Variants in FSIP1 observed in about 807,000 individuals in gnomAD.
FSIP1 encodes fibrous sheath-interacting protein 1.
Under a neutral mutation model 60.9 loss-of-function variants are expected in FSIP1, and 65 were observed. The observed-to-expected ratio is 1.07, with a 90% confidence interval of 0.87 to 1.31. FSIP1 has a LOEUF of 1.31. Ranked by LOEUF, FSIP1 falls within the 40% of genes most tolerant of loss-of-function variation. FSIP1 has a pLI of 0.00. For missense variants in FSIP1, 675 were observed against 665.5 expected, an observed-to-expected ratio of 1.01 and a Z score of -0.16; for synonymous variants, 209 against 221.2, an observed-to-expected ratio of 0.94 and a Z score of 0.49.
At chr15:39,752,341 A>G (rs1022767054) in intron 5 of FSIP1, among the ~76,000 whole-genome samples, 1 of 151,990 alleles carries the variant, frequency 6.6e-6, no homozygotes, top group Non-Finnish European at 1.5e-5. Flanking sequence ...CCACTCCTTA[A>G]GCAGGGGCTG....
chr15:39,699,533 G>A (rs903375631), intron 10 of FSIP1, among the ~76,000 whole-genome samples: 1 of 152,180 alleles, frequency 6.6e-6, no homozygotes, highest in Non-Finnish European at 1.5e-5. Context: ...CAACCTGCCA[G>A]TAATATCTTT....
At chr15:39,619,287 T>C (rs1891356272) in intron 10 of FSIP1, among the ~76,000 whole-genome samples, 1 of 152,212 alleles carries the variant, frequency 6.6e-6, no homozygotes, top group Non-Finnish European at 1.5e-5. Context: ...TAAAACAATT[T>C]TGTGCCATGT....
chr15:39,608,831 G>A (rs532894488), intron 11 of FSIP1, among the ~76,000 whole-genome samples: 2 of 152,198 alleles, frequency 1.3e-5, no homozygotes, highest in South Asian at 2.1e-4. Context: ...CTCCCTGAAC[G>A]TGAAAAGCTG....
intron 10 of FSIP1, among the ~76,000 whole-genome samples, chr15:39,678,817 T>G (rs998352629): frequency 1.1e-4 from 17 of 152,326 alleles, no homozygotes; most frequent in African/African-American, 4.1e-4. Context: ...TCTGCTTCCC[T>G]GTATAGTCCA....
intron 10 of FSIP1, among the ~76,000 whole-genome samples, chr15:39,708,740 T>C (rs1341504006): frequency 1.3e-5 from 2 of 152,186 alleles, no homozygotes; most frequent in African/African-American, 4.8e-5. Flanking sequence ...TCCATTTTGC[T>C]TACTTCTCTC....
Position 39,659,308 on chromosome 15 carries a change from T to C in FSIP1, c.1189-41063A>G, listed in dbSNP as rs1893194783. On this transcript the variant is annotated intron_variant, in intron 10 of 11. Coordinates refer to ENST00000350221, the MANE Select transcript of FSIP1 (RefSeq NM_152597.5). ...CTGTAATCCCAGCACTTTGGGAGGC[T>C]GAGGCTGGCGGATCAAGAGGTCAGG... 3.9e-5 allele frequency among the ~76,000 whole-genome samples: 6 copies of C among 152,120 alleles called. No homozygotes were observed. The South Asian group carries it at 1.2e-3, about 32-fold the overall frequency.
At chr15:39,598,861 C>A (rs868805198), downstream of FSIP1, 1 of 151,984 alleles carries the variant, frequency 6.6e-6, no homozygotes, top group Non-Finnish European at 1.5e-5. Context: ...GAAAAGCCTC[C>A]AGTATTAAGC....
At chr15:39,681,485 T>G (rs1369433067) in intron 10 of FSIP1, among the ~76,000 whole-genome samples, 1 of 152,206 alleles carries the variant, frequency 6.6e-6, no homozygotes, top group South Asian at 2.1e-4. Context: ...TTATTTTTTA[T>G]GAGAATGCAA....
In FSIP1 at chr15:39,659,776, T is replaced by C. The variant is rs1381756577; in HGVS notation, c.1189-41531A>G. Among the ~76,000 whole-genome samples the C allele has an allele frequency of 2.0e-5, 3 of 152,130 alleles. No individual in the cohort carries two copies. The East Asian group carries it at 5.8e-4, about 29-fold the overall frequency. ...AATAAATATGAGAGATTTGTCAGTG[T>C]GTATATCACTATAACATGTTCATTC... On this transcript the variant is annotated intron_variant, in intron 10 of 11. Transcript: ENST00000350221.
At chr15:39,704,837 A>C (rs1303840010) in intron 10 of FSIP1, among the ~76,000 whole-genome samples, 1 of 152,218 alleles carries the variant, frequency 6.6e-6, no homozygotes, top group Non-Finnish European at 1.5e-5. Flanking sequence ...TCAAAATGAG[A>C]GGATTTATCA....
intron 10 of FSIP1, among the ~76,000 whole-genome samples, chr15:39,665,505 T>C (rs1256369475): frequency 1.3e-5 from 2 of 152,214 alleles, no homozygotes; most frequent in Non-Finnish European, 2.9e-5. Context: ...GGGTACCACT[T>C]AACACTAATT....
At chr15:39,686,349 TG>T (rs1894373713) in intron 10 of FSIP1, among the ~76,000 whole-genome samples, 1 of 152,250 alleles carries the variant, frequency 6.6e-6, no homozygotes, top group African/African-American at 2.4e-5. Flanking sequence ...ATTTAAAAAA[TG>T]AGAAAATACA....
chr15:39,770,361 ATAACATTTGTAATAATCAT>A lies in FSIP1; in HGVS notation c.310+47_310+65del. On this transcript the variant is annotated intron_variant, in intron 3 of 11. Transcript: ENST00000350221. ...CACAGGTAATACTAACACCTTAAAT[ATAACATTTGTAATAATCAT>A]TAACATTTGTAATTATCATTAGCCA... 5 of 1,240,284 alleles carry A rather than the reference ATAACATTTGTAATAATCAT, an allele frequency of 4.0e-6. No individual in the cohort carries two copies. The South Asian group carries it at 5.4e-5, about 14-fold the overall frequency. 76.8% of individuals were successfully genotyped at this position (1,240,284 alleles called of 1,614,324 possible).
intron 8 of FSIP1, among the ~76,000 whole-genome samples, chr15:39,736,763 G>A (rs1167485624): frequency 6.6e-6 from 1 of 152,228 alleles, no homozygotes; most frequent in Admixed American, 6.5e-5. Flanking sequence ...TTTGGGACCA[G>A]GGACATGAGG....
chr15:39,743,602 G>A (rs1172905866), intron 5 of FSIP1, among the ~76,000 whole-genome samples: 1 of 152,194 alleles, frequency 6.6e-6, no homozygotes, highest in Non-Finnish European at 1.5e-5. Context: ...GTGACAGTTT[G>A]AGGAATAATA....
Position 39,617,759 on chromosome 15 carries a change from T to C in FSIP1, c.1675A>G (p.Ser559Gly). ...LSSEDQHLKL[S>G]SPENTIADEQ... ...CCTGCTATTGTATTCTCTGGAGAAC[T>C]GAGTTTCAGATGTTGGTCTTCTGAT... is the stretch of plus-strand genomic sequence containing the variant. Residue 559 changes from serine (S) to glycine (G), a missense_variant, in exon 11 of 12, where the codon AGT (serine) becomes GGT (glycine). Coordinates refer to ENST00000350221, the MANE Select transcript of FSIP1 (RefSeq NM_152597.5). 6.2e-7 allele frequency: 1 copy of C among 1,613,514 alleles called. No individual in the cohort carries two copies. The highest frequency in any genetic ancestry group is 8.5e-7 in the Non-Finnish European group (1 of 1,179,694).
At chr15:39,633,859 T>C (rs752998613) in intron 10 of FSIP1, among the ~76,000 whole-genome samples, 2 of 152,178 alleles carry the variant, frequency 1.3e-5, no homozygotes, top group Non-Finnish European at 2.9e-5. Context: ...CACTGGACAA[T>C]AGGTGAAAAA....
rs61596750 is a variant in FSIP1, at chr15:39,747,036, C to CAT, written c.560-5137_560-5136insAT. On this transcript the variant is annotated intron_variant, in intron 5 of 11. Transcript: ENST00000350221. ...CCCTCCTTCCCTCCTTCCCTCCTTC[C>CAT]CTCCTTCCATTCTTCCTTTCTTCCT... Among the ~76,000 whole-genome samples, 1,374 of 144,882 alleles carry CAT rather than the reference C, an allele frequency of 9.5e-3. 14 individuals carry two copies. The highest frequency in any genetic ancestry group is 0.027 in the African/African-American group (1,100 of 40,996).
chr15:39,701,360 A>G (rs868231000), intron 10 of FSIP1, among the ~76,000 whole-genome samples: 3 of 152,214 alleles, frequency 2.0e-5, no homozygotes, highest in African/African-American at 7.2e-5. Flanking sequence ...ATATTCTTGC[A>G]CATGTAGGTT....
Sources: gnomAD v4.1 joint callset for allele counts (sites outside exome capture counted in the v4.1 genomes callset) on GRCh38, gnomAD v4.1.1 for gene constraint, MANE v1.5 for transcripts, NCBI Gene and HGNC (gene_info 2026-07-23, HGNC 2026-07-21) for gene names.